Variants in CSMD3 observed in about 807,000 individuals in gnomAD.
CSMD3 encodes CUB and sushi domain-containing protein 3.
A neutral mutation model predicts 435.2 loss-of-function variants in CSMD3; 177 were observed. That is an observed-to-expected ratio of 0.41 (90% confidence interval 0.36 to 0.46). CSMD3 has a LOEUF of 0.46. Ranked by LOEUF, CSMD3 falls within the 20% of genes least tolerant of loss-of-function variation. CSMD3 has a pLI of 0.34. For missense variants in CSMD3, 4,265 were observed against 4,504.6 expected (o/e 0.95, Z 1.52); for synonymous variants, 1,656 against 1,520.5 (o/e 1.09, Z -2.07).
In CSMD3 at chr8:113,335,746, G is replaced by C. The variant is rs2094069205; in HGVS notation, c.179-20953C>G. Among the ~76,000 whole-genome samples the C allele has an allele frequency of 2.6e-5, 4 of 151,706 alleles. No individual in the cohort carries two copies. The South Asian group carries it at 8.3e-4, about 32-fold the overall frequency. On this transcript the variant is annotated intron_variant, in intron 1 of 70. Transcript: ENST00000297405. The stretch of plus-strand genomic sequence containing the variant: ...GATATTACAATGTTGTGAGTAAAGT[G>C]TTCTATAAGTGTTAATTACATCCTG...
intron 2 of CSMD3, among the ~76,000 whole-genome samples, chr8:113,300,388 G>C (rs1274066196): frequency 2.0e-5 from 3 of 152,102 alleles, no homozygotes; most frequent in Non-Finnish European, 2.9e-5. Flanking sequence ...ACCTGCACAT[G>C]TATGTTCACT....
At chr8:112,658,193 TA>T (rs1412083728) in intron 17 of CSMD3, among the ~76,000 whole-genome samples, 1 of 152,190 alleles carries the variant, frequency 6.6e-6, no homozygotes, top group African/African-American at 2.4e-5. Context: ...CAGTACACTT[TA>T]AAAAATAATT....
intron 1 of CSMD3, among the ~76,000 whole-genome samples, chr8:113,330,636 C>T (rs1338821543): frequency 6.6e-6 from 1 of 151,772 alleles, no homozygotes; most frequent in African/African-American, 2.4e-5. Flanking sequence ...GAAAATTGAG[C>T]TGGAGTGGCT....
intron 1 of CSMD3, among the ~76,000 whole-genome samples, chr8:113,351,446 G>A (rs901166145): frequency 1.3e-5 from 2 of 151,892 alleles, no homozygotes; most frequent in African/African-American, 2.4e-5. Flanking sequence ...TGATACTAAG[G>A]AATAATGAAA....
In CSMD3 at chr8:112,800,320, T is replaced by C. The variant is rs777192043; in HGVS notation, c.1860-46A>G. ...AAGGGAGAGATGGGTTATTAAAACA[T>C]CCTCTGCATACAAATTATAAGACAG... On this transcript the variant is annotated intron_variant, in intron 12 of 70. Transcript: ENST00000297405. 9.6e-6 allele frequency: 11 copies of C among 1,147,902 alleles called. No individual in the cohort carries two copies. In the South Asian group the frequency reaches 1.3e-4, roughly 14 times the overall value. The allele number at this position is 1,147,902 out of a possible 1,614,324, so 71.1% of individuals were successfully genotyped here.
At chr8:113,016,629 C>T (rs890697072) in intron 6 of CSMD3, among the ~76,000 whole-genome samples, 1 of 151,664 alleles carries the variant, frequency 6.6e-6, no homozygotes, top group Non-Finnish European at 1.5e-5. Context: ...ACTGAGTACT[C>T]GGTAAATATA....
Position 113,173,385 on chromosome 8 carries a change from G to A in CSMD3, c.709+337C>T, listed in dbSNP as rs549193250. On this transcript the variant is annotated intron_variant, in intron 4 of 70. Coordinates refer to ENST00000297405, the MANE Select transcript of CSMD3 (RefSeq NM_198123.2). ...TGCCTAGGCTGGGGTGCAGTGGCGC[G>A]ATCTCAGCTCACTGCAGCCTCCACC... is the stretch of plus-strand genomic sequence containing the variant. 3.7e-4 allele frequency among the ~76,000 whole-genome samples: 57 copies of A among 152,044 alleles called. 1 individual carries two copies. Among genetic ancestry groups the A allele is most frequent in the Admixed American group, 1.0e-3 (16 of 15,260 alleles).
intron 38 of CSMD3, among the ~76,000 whole-genome samples, chr8:112,367,351 CT>C (rs1827877828): frequency 6.6e-6 from 1 of 152,076 alleles, no homozygotes; most frequent in African/African-American, 2.4e-5. Context: ...AATAAAAGCA[CT>C]TATGCTGACC....
intron 3 of CSMD3, among the ~76,000 whole-genome samples, chr8:113,255,543 A>G (rs971395407): frequency 6.6e-6 from 1 of 151,982 alleles, no homozygotes; most frequent in African/African-American, 2.4e-5. Flanking sequence ...AAATGTTGCA[A>G]CTCTGAGTTG....
intron 1 of CSMD3, among the ~76,000 whole-genome samples, chr8:113,374,986 G>A (rs1259416053): frequency 6.6e-6 from 1 of 151,882 alleles, no homozygotes; most frequent in Admixed American, 6.6e-5. Context: ...TCTACAAGAT[G>A]GCATATAAAA....
chr8:113,269,808 T>C (rs1020409306), intron 3 of CSMD3, among the ~76,000 whole-genome samples: 2 of 151,918 alleles, frequency 1.3e-5, no homozygotes, highest in African/African-American at 2.4e-5. Context: ...ATACAAAAAT[T>C]AATTCAATAT....
At chr8:112,312,441 A>G (rs1016556715) in intron 49 of CSMD3, among the ~76,000 whole-genome samples, 5 of 151,946 alleles carry the variant, frequency 3.3e-5, no homozygotes, top group Non-Finnish European at 7.4e-5. Flanking sequence ...TTTTTAGTAG[A>G]GAGGGGGTGT....
chr8:113,197,479 T>C (rs1393021017), intron 3 of CSMD3, among the ~76,000 whole-genome samples: 1 of 151,220 alleles, frequency 6.6e-6, no homozygotes, highest in East Asian at 1.9e-4. Flanking sequence ...TGTGAAGAGT[T>C]AAGCCATGTT....
rs1380981545 is a variant in CSMD3, at chr8:112,434,852, A to G, written c.5396-25820T>C. The stretch of plus-strand genomic sequence containing the variant: ...TATCCATTCTCACCTCTGGACATGA[A>G]CTCAATGAAAAAGCTCATCTATTTG... On this transcript the variant is annotated intron_variant, in intron 32 of 70. Transcript: ENST00000297405. 7.2e-5 allele frequency among the ~76,000 whole-genome samples: 11 copies of G among 152,250 alleles called. No homozygotes were observed. The East Asian group carries it at 2.1e-3, about 29-fold the overall frequency.
At chr8:113,170,361 AC>A (rs1468484228) in intron 4 of CSMD3, among the ~76,000 whole-genome samples, 5 of 152,196 alleles carry the variant, frequency 3.3e-5, no homozygotes, top group Admixed American at 3.3e-4. Flanking sequence ...ATGAAGTATG[AC>A]TTAGACTCTA....
At chr8:112,728,313 G>A (rs959809866) in intron 13 of CSMD3, among the ~76,000 whole-genome samples, 2 of 151,784 alleles carry the variant, frequency 1.3e-5, no homozygotes, top group African/African-American at 2.4e-5. Flanking sequence ...AAAAATATGA[G>A]TTAGATGTAA....
chr8:112,719,891 T>C (rs1241358187), intron 13 of CSMD3, among the ~76,000 whole-genome samples: 1 of 152,146 alleles, frequency 6.6e-6, no homozygotes, highest in African/African-American at 2.4e-5. Context: ...GAAACAGCAA[T>C]CCTTTTCTTA....
At chr8:113,165,090 C>G (rs188948056) in intron 4 of CSMD3, among the ~76,000 whole-genome samples, 4 of 152,200 alleles carry the variant, frequency 2.6e-5, no homozygotes, top group Admixed American at 2.6e-4. Flanking sequence ...TTTCAAGGTT[C>G]TTATCATGCA....
At chr8:113,106,957 A>G (rs13254872) in intron 4 of CSMD3, among the ~76,000 whole-genome samples, 1 of 152,086 alleles carries the variant, frequency 6.6e-6, no homozygotes, top group Non-Finnish European at 1.5e-5. Context: ...TATAACCATC[A>G]CCACAATGAA....
Sources: allele counts gnomAD v4.1 joint callset (sites outside exome capture counted in the v4.1 genomes callset), GRCh38; gene constraint gnomAD v4.1.1; transcripts MANE v1.5; gene names NCBI Gene and HGNC (gene_info 2026-07-23, HGNC 2026-07-21).